DENND1A: variants seen among roughly 807,000 people sequenced by gnomAD.
The protein encoded by DENND1A is DENN domain-containing protein 1A.
Under a neutral mutation model 113.7 loss-of-function variants are expected in DENND1A, and 51 were observed. That is an observed-to-expected ratio of 0.45 (90% CI 0.36 to 0.57). DENND1A has a LOEUF of 0.57. DENND1A is among the 20% of genes least tolerant of loss of function. The pLI is 0.00. For synonymous variants in DENND1A, 565 were observed against 570.8 expected (o/e 0.99, Z 0.14); for missense variants, 1,258 against 1,395.9 (o/e 0.90, Z 1.57).
chr9:123,797,773 G>C (rs181399287), intron 2 of DENND1A, among the ~76,000 whole-genome samples: 2 of 152,166 alleles, frequency 1.3e-5, no homozygotes, highest in Non-Finnish European at 2.9e-5. Flanking sequence ...ATGTTTTACA[G>C]AGTTTAAAAA....
At chr9:123,547,257 T>A in intron 13 of DENND1A, among the ~76,000 whole-genome samples, 1 of 152,224 alleles carries the variant, frequency 6.6e-6, no homozygotes, top group African/African-American at 2.4e-5. Context: ...GGGCCGGGTG[T>A]GGTGGCTCAC....
chr9:123,745,984 A>C (rs139505082), intron 5 of DENND1A, among the ~76,000 whole-genome samples: 4 of 152,232 alleles, frequency 2.6e-5, no homozygotes, highest in Non-Finnish European at 5.9e-5. Context: ...AGAGTTCAAA[A>C]CCAAACAAAG....
At chr9:123,671,147 T>C in intron 7 of DENND1A, 144 bp downstream of exon 7, 1 of 908,618 alleles carries the variant, frequency 1.1e-6, no homozygotes, top group East Asian at 2.4e-5. Flanking sequence ...CTCTGGCCTA[T>C]CTTGAACTCA....
chr9:123,659,621 C>T (rs1406738852), intron 8 of DENND1A, among the ~76,000 whole-genome samples: 4 of 152,154 alleles, frequency 2.6e-5, no homozygotes, highest in Non-Finnish European at 5.9e-5. Context: ...CCTTGGAACG[C>T]TACATTTAAT....
intron 5 of DENND1A, among the ~76,000 whole-genome samples, chr9:123,706,568 G>C (rs1329714298): frequency 2.0e-5 from 3 of 151,100 alleles, no homozygotes. Flanking sequence ...TCAGGAAATC[G>C]AGACCATCCT....
intron 13 of DENND1A, among the ~76,000 whole-genome samples, chr9:123,478,897 G>C (rs556525895): frequency 6.6e-6 from 1 of 152,214 alleles, no homozygotes; most frequent in African/African-American, 2.4e-5. Flanking sequence ...ATGAGACTTC[G>C]TGTTAATCCA....
chr9:123,905,378 G>T (rs1219009454), intron 1 of DENND1A, among the ~76,000 whole-genome samples: 1 of 147,790 alleles, frequency 6.8e-6, no homozygotes, highest in African/African-American at 2.6e-5. Context: ...AATGTAAATG[G>T]ACTAAATGCT....
intron 2 of DENND1A, among the ~76,000 whole-genome samples, chr9:123,814,793 A>G (rs1288255679): frequency 6.6e-6 from 1 of 152,222 alleles, no homozygotes; most frequent in Admixed American, 6.5e-5. Flanking sequence ...TATTAATGGA[A>G]AAATGCACTC....
intron 5 of DENND1A, among the ~76,000 whole-genome samples, chr9:123,699,105 G>C (rs964033674): frequency 2.3e-4 from 31 of 134,756 alleles, no homozygotes; most frequent in African/African-American, 9.4e-4. Flanking sequence ...CAACTAAAGA[G>C]CTGTCATAAG....
chr9:123,526,317 C>T (rs1323478652), intron 13 of DENND1A, among the ~76,000 whole-genome samples: 1 of 152,180 alleles, frequency 6.6e-6, no homozygotes, highest in African/African-American at 2.4e-5. Flanking sequence ...TTCTCAGTCC[C>T]ACGGCCAATC....
At chr9:123,723,002 ACCAG>A (rs899210263) in intron 5 of DENND1A, among the ~76,000 whole-genome samples, 1 of 152,230 alleles carries the variant, frequency 6.6e-6, no homozygotes, top group African/African-American at 2.4e-5. Flanking sequence ...GATACTCAAT[ACCAG>A]CCCATGAAAG....
At chr9:123,920,737 T>A (rs2134154968) in intron 1 of DENND1A, among the ~76,000 whole-genome samples, 1 of 144,302 alleles carries the variant, frequency 6.9e-6, no homozygotes, top group Non-Finnish European at 1.5e-5. Context: ...TTTTTGTAAT[T>A]TTTTTTTTTT....
At chr9:123,793,967 C>T (rs1054789075) in intron 2 of DENND1A, among the ~76,000 whole-genome samples, 7 of 152,324 alleles carry the variant, frequency 4.6e-5, no homozygotes, top group African/African-American at 1.7e-4. Flanking sequence ...TTTCTTTCTT[C>T]ACCCTCGTCT....
At chr9:123,406,088 G>A (rs1349754516) in intron 20 of DENND1A, among the ~76,000 whole-genome samples, 1 of 152,232 alleles carries the variant, frequency 6.6e-6, no homozygotes, top group African/African-American at 2.4e-5. Context: ...CCCCCCAGAA[G>A]CTTGTGGGTG....
intron 9 of DENND1A, among the ~76,000 whole-genome samples, chr9:123,639,039 T>TTAAAAAAAAAAAAAAAAAAAAAAAA (rs1386503152): frequency 3.1e-5 from 1 of 32,122 alleles, no homozygotes; most frequent in African/African-American, 1.2e-4. Flanking sequence ...GCATGAGTAG[T>TTAAAAAAAAAAAAAAAAAAAAAAAA]AAAAAAAAAA....
At chr9:123,813,953 C>G (rs1837053619) in intron 2 of DENND1A, among the ~76,000 whole-genome samples, 1 of 152,152 alleles carries the variant, frequency 6.6e-6, no homozygotes, top group African/African-American at 2.4e-5. Flanking sequence ...CTAACTGATA[C>G]TACTGCAATC....
At chr9:123,722,975 G>A (rs1486016644) in intron 5 of DENND1A, among the ~76,000 whole-genome samples, 1 of 152,202 alleles carries the variant, frequency 6.6e-6, no homozygotes, top group East Asian at 1.9e-4. Flanking sequence ...TGCACTGTGT[G>A]CCTAGAAAAA....
At chr9:123,792,239 T>C (rs1401099876) in intron 3 of DENND1A, among the ~76,000 whole-genome samples, 1 of 152,200 alleles carries the variant, frequency 6.6e-6, no homozygotes, top group Non-Finnish European at 1.5e-5. Context: ...TTACACTGCT[T>C]CTTGACTCCT....
chr9:123,815,694 C>A lies in DENND1A; in HGVS notation c.89-23064G>T, dbSNP rs575312110. Among the ~76,000 whole-genome samples the A allele has an allele frequency of 1.3e-4, 20 of 152,130 alleles. No homozygotes were observed. In the South Asian group the frequency reaches 3.9e-3, roughly 30 times the overall value. ...ATTACTTAAAACTAAATAGTTTTAG[C>A]GTATTAAAATCACGTTTTCTAAGAA... On this transcript the variant is annotated intron_variant, in intron 2 of 23. Transcript: ENST00000394215.
Sources: gnomAD v4.1 joint callset for allele counts (sites outside exome capture counted in the v4.1 genomes callset) on GRCh38, gnomAD v4.1.1 for gene constraint, MANE v1.5 for transcripts, NCBI Gene and HGNC (gene_info 2026-07-23, HGNC 2026-07-21) for gene names.